SHISA9: variants seen among roughly 807,000 people sequenced by gnomAD.
SHISA9 encodes shisa family member 9.
A neutral mutation model predicts 38.0 loss-of-function variants in SHISA9; 13 were observed. That is an observed-to-expected ratio of 0.34 (90% CI 0.22 to 0.54). SHISA9 has a LOEUF of 0.54. SHISA9 is among the 20% of genes least tolerant of loss of function. The pLI, the probability that SHISA9 is intolerant of heterozygous loss-of-function variation, is 0.91. For missense variants in SHISA9, 538 were observed against 575.8 expected (o/e 0.93, Z 0.67); for synonymous variants, 275 against 242.0 (o/e 1.14, Z -1.27).
chr16:13,036,823 T>C (rs8064009), intron 2 of SHISA9, among the ~76,000 whole-genome samples: 117,950 of 151,460 alleles, frequency 0.78, 46,398 homozygotes, highest in African/African-American at 0.89. Context: ...TGAGGTAAAG[T>C]AGTTAGCACA....
chr16:13,207,692 G>T (rs1173058059), intron 3 of SHISA9, among the ~76,000 whole-genome samples: 1 of 152,166 alleles, frequency 6.6e-6, no homozygotes, highest in Non-Finnish European at 1.5e-5. Flanking sequence ...CAGACTGAGG[G>T]ATTGCTTGAC....
At chr16:13,038,251 A>C (rs2073096818) in intron 2 of SHISA9, among the ~76,000 whole-genome samples, 1 of 152,162 alleles carries the variant, frequency 6.6e-6, no homozygotes, top group African/African-American at 2.4e-5. Flanking sequence ...TGGCCTCCCA[A>C]AGTGCTGGGA....
the SHISA9 span, among the ~76,000 whole-genome samples, chr16:13,482,111 G>C: frequency 6.6e-6 from 1 of 152,194 alleles, no homozygotes. Context: ...TGTAGAGACT[G>C]ACTAGGTCCT....
chr16:13,009,080 G>A (rs2072638234), intron 2 of SHISA9, among the ~76,000 whole-genome samples: 1 of 150,532 alleles, frequency 6.6e-6, no homozygotes, highest in South Asian at 2.1e-4. Context: ...TCTGTTCTAA[G>A]AGAGAGAGTG....
chr16:13,104,412 A>G, intron 2 of SHISA9, among the ~76,000 whole-genome samples: 1 of 152,242 alleles, frequency 6.6e-6, no homozygotes, highest in East Asian at 1.9e-4. Context: ...TATTCATACA[A>G]ACATTATTTA....
intron 2 of SHISA9, among the ~76,000 whole-genome samples, chr16:12,986,928 T>C (rs1193656011): frequency 1.3e-5 from 2 of 152,210 alleles, no homozygotes; most frequent in Non-Finnish European, 2.9e-5. Context: ...CATGACAGGG[T>C]ACTTCTTCCT....
chr16:12,962,080 C>T (rs891233590), intron 2 of SHISA9, among the ~76,000 whole-genome samples: 3 of 152,224 alleles, frequency 2.0e-5, no homozygotes, highest in South Asian at 2.1e-4. Flanking sequence ...GTGCTTGGCC[C>T]GTCTTGCCTG....
At chr16:13,042,267 C>T (rs915078809) in intron 2 of SHISA9, among the ~76,000 whole-genome samples, 7 of 152,180 alleles carry the variant, frequency 4.6e-5, no homozygotes, top group African/African-American at 1.4e-4. Context: ...AGAAGGCACT[C>T]GTTACCTGCC....
chr16:12,985,873 G>C (rs767387012), intron 2 of SHISA9, among the ~76,000 whole-genome samples: 3 of 152,160 alleles, frequency 2.0e-5, no homozygotes, highest in Non-Finnish European at 4.4e-5. Flanking sequence ...ATGCCTAAGA[G>C]TTTGTATCCT....
chr16:13,189,767 G>A (rs898735973), intron 2 of SHISA9, among the ~76,000 whole-genome samples: 1 of 152,178 alleles, frequency 6.6e-6, no homozygotes, highest in South Asian at 2.1e-4. Flanking sequence ...ATGGTTAATT[G>A]TTACATGACA....
chr16:13,338,618 C>CT, the SHISA9 span, among the ~76,000 whole-genome samples: 2 of 152,066 alleles, frequency 1.3e-5, no homozygotes, highest in East Asian at 3.9e-4. Flanking sequence ...CACGTCCTGC[C>CT]TTTTTTTCTG....
the SHISA9 span, among the ~76,000 whole-genome samples, chr16:13,323,357 G>T: frequency 6.6e-6 from 1 of 152,164 alleles, no homozygotes; most frequent in African/African-American, 2.4e-5. Flanking sequence ...TATCTCCCAT[G>T]TCTTTTAAGT....
At chr16:13,409,624 A>C in the SHISA9 span, among the ~76,000 whole-genome samples, 1 of 152,226 alleles carries the variant, frequency 6.6e-6, no homozygotes, top group South Asian at 2.1e-4. Context: ...TTAACTATAC[A>C]TGGAAATAAT....
the SHISA9 span, among the ~76,000 whole-genome samples, chr16:13,469,433 AAGAGAAAGAAAGAG>A: frequency 7.5e-6 from 1 of 132,928 alleles, no homozygotes; most frequent in Non-Finnish European, 1.7e-5. Flanking sequence ...AAAAGAAAGA[AAGAGAAAGAAAGAG>A]AAAGAACTGG....
the SHISA9 span, among the ~76,000 whole-genome samples, chr16:13,261,413 C>T: frequency 6.6e-6 from 1 of 152,142 alleles, no homozygotes; most frequent in Non-Finnish European, 1.5e-5. Flanking sequence ...ACAGCACTCA[C>T]ATTTTGTGCC....
chr16:13,435,573 T>C, the SHISA9 span, among the ~76,000 whole-genome samples: 1 of 152,178 alleles, frequency 6.6e-6, no homozygotes, highest in African/African-American at 2.4e-5. Flanking sequence ...ATCCCAACCC[T>C]TTGAAAATTA....
chr16:13,409,159 C>A, the SHISA9 span, among the ~76,000 whole-genome samples: 1 of 152,070 alleles, frequency 6.6e-6, no homozygotes, highest in East Asian at 1.9e-4. Flanking sequence ...TGGGGGTAGT[C>A]GGAGAGGAGT....
At chr16:13,016,753 G>A (rs949136499) in intron 2 of SHISA9, among the ~76,000 whole-genome samples, 5 of 152,076 alleles carry the variant, frequency 3.3e-5, no homozygotes, top group Admixed American at 2.0e-4. Flanking sequence ...ATATGTTTAC[G>A]GAGAGAACTG....
intron 2 of SHISA9, among the ~76,000 whole-genome samples, chr16:13,199,657 A>G (rs2050984924): frequency 6.6e-6 from 1 of 152,228 alleles, no homozygotes; most frequent in African/African-American, 2.4e-5. Flanking sequence ...ACTTGACTTC[A>G]TGGCCTTTTC....
Sources: gnomAD v4.1 joint callset for allele counts (sites outside exome capture counted in the v4.1 genomes callset) on GRCh38, gnomAD v4.1.1 for gene constraint, MANE v1.5 for transcripts, NCBI Gene and HGNC (gene_info 2026-07-23, HGNC 2026-07-21) for gene names.